Variants in DCC observed in about 807,000 individuals in gnomAD.
DCC encodes netrin receptor DCC.
Under a neutral mutation model 172.5 loss-of-function variants are expected in DCC, and 58 were observed. That is an observed-to-expected ratio of 0.34 (90% CI 0.27 to 0.42). DCC has a LOEUF of 0.42. DCC is among the 10% of genes least tolerant of loss of function. The pLI is 1.00. For synonymous variants in DCC, 709 were observed against 644.5 expected (o/e 1.10, Z -1.52); for missense variants, 1,740 against 1,791.0 (o/e 0.97, Z 0.51).
At position 53,467,921 on chromosome 18, in the gene DCC, C is replaced by G. The variant is rs777949535; in HGVS notation, c.3647C>G (p.Ser1216Cys). Residue 1216 changes from serine to cysteine, a missense_variant, in exon 25 of 29, where the codon TCT becomes TGT. Transcript: ENST00000442544. ...CAAGACACTGAGGAAGCAGGGAGCT[C>G]TATGTCCACTCTGGAGAGGTCGCTG... is the stretch of plus-strand genomic sequence containing the variant. ...SGQDTEEAGS[S>C]MSTLERSLAA... The G allele has an allele frequency of 6.8e-6, 11 of 1,610,108 alleles. No homozygotes were observed. The highest frequency in any genetic ancestry group is 9.3e-6 in the Non-Finnish European group (11 of 1,176,570).
chr18:52,935,990 T>C (rs1352842836), intron 5 of DCC, among the ~76,000 whole-genome samples: 1 of 152,096 alleles, frequency 6.6e-6, no homozygotes, highest in East Asian at 1.9e-4. Context: ...GTGCCTTAGG[T>C]ACGTTTGTAT....
At chr18:52,453,424 G>T (rs1988365905) in intron 1 of DCC, among the ~76,000 whole-genome samples, 1 of 152,258 alleles carries the variant, frequency 6.6e-6, no homozygotes, top group South Asian at 2.1e-4. Flanking sequence ...CATCACGCAG[G>T]TTGCCCCTGT....
At chr18:53,066,008 C>T (rs1568281281) in intron 6 of DCC, 38 bp from the exon 7 acceptor site, 2 of 1,610,158 alleles carry the variant, frequency 1.2e-6, no homozygotes, top group Non-Finnish European at 1.7e-6. Context: ...GCATTTTTTG[C>T]TTTCTAAAAT....
At chr18:52,829,342 T>C (rs962246211) in intron 2 of DCC, among the ~76,000 whole-genome samples, 58 of 152,344 alleles carry the variant, frequency 3.8e-4, no homozygotes, top group African/African-American at 1.3e-3. Context: ...TTAGTCCTAG[T>C]TGCAGTGCTG....
At position 53,215,556 on chromosome 18, in the gene DCC, G is replaced by A; in HGVS notation, c.1870G>A (p.Ala624Thr). The change falls in exon 12 of 29, where the codon GCC becomes ACC. Residue 624 changes from alanine (A) to threonine (T), a missense_variant. This residue lies in a region of DCC where 1,732 missense variants were observed against 1,767.4 expected (regional missense o/e 0.98). Transcript: ENST00000442544. The stretch of plus-strand genomic sequence containing the variant: ...TGTTTGATTCCTTTTAGTGCCAAGT[G>A]CCCCGCCTCAGAACGTCTCCCTGGA... ...TVVTLSDVPS[A>T]PPQNVSLEVV... 1 of 1,613,844 alleles carries A rather than the reference G, an allele frequency of 6.2e-7. No individual in the cohort carries two copies. The highest frequency in any genetic ancestry group is 1.1e-5 in the South Asian group (1 of 91,068).
At chr18:53,089,156 G>T (rs1233673945) in intron 7 of DCC, among the ~76,000 whole-genome samples, 1 of 152,060 alleles carries the variant, frequency 6.6e-6, no homozygotes, top group Non-Finnish European at 1.5e-5. Context: ...TGTGATCTCT[G>T]CTCACTGCAA....
Position 52,624,188 on chromosome 18 carries a change from T to C in DCC, c.92-127866T>C, listed in dbSNP as rs868818651. 7.9e-5 allele frequency among the ~76,000 whole-genome samples: 12 copies of C among 152,154 alleles called. 1 individual carries two copies. The highest frequency in any genetic ancestry group is 3.3e-4 in the Admixed American group (5 of 15,280). The stretch of plus-strand genomic sequence containing the variant: ...ATTAACCAAGTGCATCCTCATAAAT[T>C]GAAACAAAATTAAATTAATTACAGG... On this transcript the variant is annotated intron_variant, in intron 1 of 28. Transcript: ENST00000442544.
At chr18:52,539,188 A>T (rs1166611247) in intron 1 of DCC, among the ~76,000 whole-genome samples, 2 of 152,190 alleles carry the variant, frequency 1.3e-5, no homozygotes, top group African/African-American at 4.8e-5. Context: ...TTTAAACTGT[A>T]GTTAACTTGG....
In DCC at chr18:52,722,945, C is replaced by A. The variant is rs147903058; in HGVS notation, c.92-29109C>A. 3.9e-5 allele frequency among the ~76,000 whole-genome samples: 6 copies of A among 152,218 alleles called. No individual in the cohort carries two copies. In the East Asian group the frequency reaches 1.2e-3, roughly 29 times the overall value. On this transcript the variant is annotated intron_variant, in intron 1 of 28. Transcript: ENST00000442544. ...TATGTGTTAGAAAATGTTTTGGTTC[C>A]ATTTTCTCACCTAATTTGTAGTTTG...
intron 3 of DCC, among the ~76,000 whole-genome samples, chr18:52,919,274 T>G (rs1259358244): frequency 6.6e-6 from 1 of 152,182 alleles, no homozygotes; most frequent in African/African-American, 2.4e-5. Context: ...CAGGCCTTAT[T>G]TACAACAAGA....
chr18:52,966,765 A>G (rs1386415377), intron 5 of DCC, among the ~76,000 whole-genome samples: 3 of 152,150 alleles, frequency 2.0e-5, no homozygotes, highest in African/African-American at 7.2e-5. Flanking sequence ...ATCAGTGGTC[A>G]TGACTTTCTC....
In DCC at chr18:52,925,329, A is replaced by C. The variant is rs145827180; in HGVS notation, c.944A>C (p.Lys315Thr). Residue 315 changes from lysine to threonine, a missense_variant, in exon 5 of 29, where the codon AAA (lysine) becomes ACA (threonine). Lys to Thr is a moderately conservative substitution (Grantham distance 78, BLOSUM62 -1). Coordinates refer to ENST00000442544, the MANE Select transcript of DCC (RefSeq NM_005215.4). ...SGMYTCVVTY[K>T]NENISASAEL... Reference sequence around the variant, plus strand: ...ATGTATACCTGTGTTGTCACATATAAAAATGAGAATATTAGTGCCTCTGCA... The same window carrying C: ...ATGTATACCTGTGTTGTCACATATACAAATGAGAATATTAGTGCCTCTGCA... 8.4e-4 allele frequency: 1,358 copies of C among 1,612,678 alleles called. 24 individuals carry two copies. In the South Asian group the frequency reaches 0.014, roughly 17 times the overall value.
chr18:53,486,407 C>T (rs78867711), intron 25 of DCC, among the ~76,000 whole-genome samples: 2 of 152,162 alleles, frequency 1.3e-5, no homozygotes, highest in East Asian at 3.9e-4. Flanking sequence ...TCAACCCACT[C>T]TACACAATAT....
chr18:53,443,957 T>G (rs982267220), intron 22 of DCC, among the ~76,000 whole-genome samples: 1 of 152,250 alleles, frequency 6.6e-6, no homozygotes, highest in Admixed American at 6.5e-5. Flanking sequence ...GATAAAATTT[T>G]AACAGATGAG....
chr18:53,488,755 A>G (rs937567505), intron 26 of DCC, among the ~76,000 whole-genome samples: 1 of 152,196 alleles, frequency 6.6e-6, no homozygotes, highest in African/African-American at 2.4e-5. Flanking sequence ...TGATTTTGAG[A>G]GTGAGTAGGT....
In DCC at chr18:52,923,800, C is replaced by G; in HGVS notation, c.791C>G (p.Ser264Cys). The change falls in exon 4 of 29, where the codon TCT becomes TGT. Residue 264 changes from serine (S) to cysteine (C), a missense_variant. By Grantham distance (112) the Ser-to-Cys change is moderately radical (BLOSUM62 -1). Coordinates refer to ENST00000442544, the MANE Select transcript of DCC (RefSeq NM_005215.4). ...GATGCTGTCCTGGAATGTTGTGTTT[C>G]TGGCTATCCTCCACCAAGTTTTACC... ...GKDAVLECCV[S>C]GYPPPSFTWL... The G allele has an allele frequency of 1.2e-6, 2 of 1,613,384 alleles. No homozygotes were observed. The highest frequency in any genetic ancestry group is 1.7e-6 in the Non-Finnish European group (2 of 1,179,500).
rs539478640 is a variant in DCC, at chr18:53,516,609, TAAAC to T, written c.4112-10005_4112-10002del. Among the ~76,000 whole-genome samples, 269 of 149,550 alleles carry T rather than the reference TAAAC, an allele frequency of 1.8e-3. 7 individuals are homozygous for T. The highest frequency in any genetic ancestry group is 6.1e-3 in the African/African-American group (247 of 40,226). ...GAATGCAAACAAATTTACAAGAAAA[TAAAC>T]AACCCCATCAAAAAGTGGGCAAAGC... is the stretch of plus-strand genomic sequence containing the variant. On this transcript the variant is annotated intron_variant, in intron 27 of 28. Transcript: ENST00000442544.
chr18:53,342,335 T>C (rs2057668238), intron 15 of DCC, among the ~76,000 whole-genome samples: 1 of 152,002 alleles, frequency 6.6e-6, no homozygotes, highest in Non-Finnish European at 1.5e-5. Flanking sequence ...TTATAATTAA[T>C]CTATTGACAT....
chr18:53,214,926 C>G (rs1223795684), intron 11 of DCC, among the ~76,000 whole-genome samples: 3 of 152,024 alleles, frequency 2.0e-5, no homozygotes, highest in Admixed American at 2.0e-4. Flanking sequence ...AACAAAATAC[C>G]GTACCTAGAA....
Sources: gnomAD v4.1 joint callset for allele counts (sites outside exome capture counted in the v4.1 genomes callset) on GRCh38, gnomAD v4.1.1 for gene constraint, gnomAD v4.1.1 regional missense constraint, MANE v1.5 for transcripts, NCBI Gene and HGNC (gene_info 2026-07-23, HGNC 2026-07-21) for gene names.